The following MET variants were observed in gnomAD, a reference collection of about 807,000 sequenced individuals.
MET encodes MET proto-oncogene, receptor tyrosine kinase, also known as hepatocyte growth factor receptor.
In MET, 48 loss-of-function variants were observed where a neutral mutation model predicts 133.1. The observed-to-expected ratio is 0.36, with a 90% CI of 0.29 to 0.46. The LOEUF (loss-of-function observed/expected upper bound fraction) is 0.46. Among genes scored for constraint, MET ranks in the 20% least tolerant of loss-of-function variants. MET has a pLI of 1.00. For synonymous variants in MET, 628 were observed against 616.5 expected (o/e 1.02, Z -0.28); for missense variants, 1,442 against 1,695.9 (o/e 0.85, Z 2.63).
intron 2 of MET, among the ~76,000 whole-genome samples, chr7:116,706,888 A>AT (rs35404902): frequency 0.39 from 54,452 of 139,108 alleles, 11,650 homozygotes; most frequent in East Asian, 0.58. Context: ...CCTTCCCTTG[A>AT]TTTTTTTTTT....
At chr7:116,679,264 C>G (rs1417415848) in intron 1 of MET, among the ~76,000 whole-genome samples, 1 of 152,118 alleles carries the variant, frequency 6.6e-6, no homozygotes, top group East Asian at 1.9e-4. Context: ...TTCTTCTATT[C>G]AATATTGATA....
chr7:116,693,655 A>G (rs722134), intron 1 of MET, among the ~76,000 whole-genome samples: 12,067 of 152,156 alleles, frequency 0.079, 625 homozygotes, highest in Middle Eastern at 0.14. Flanking sequence ...GTTCCCCTTT[A>G]AGGGCCTCCA....
intron 1 of MET, among the ~76,000 whole-genome samples, chr7:116,690,845 C>T (rs1030039956): frequency 6.6e-6 from 1 of 152,072 alleles, no homozygotes; most frequent in African/African-American, 2.4e-5. Flanking sequence ...ATGGGTGCTC[C>T]CAAATACTTG....
In MET at chr7:116,740,813, T is replaced by A. The variant is rs556216308; in HGVS notation, c.1528-39T>A. ...CTTTATAATTAATTAACAAACTAGA[T>A]ACCCCTCTGGAAGCTCTTTCCACCC... is the stretch of plus-strand genomic sequence containing the variant. On this transcript the variant is annotated intron_variant, in intron 4 of 20. Transcript: ENST00000397752. The A allele has an allele frequency of 1.8e-3, 2,918 of 1,611,098 alleles. 22 individuals are homozygous for A. In the Middle Eastern group the frequency reaches 0.022, roughly 12 times the overall value.
At position 116,796,807 on chromosome 7, in the gene MET, C is replaced by T. The variant is rs987144308; in HGVS notation, c.*683C>T. 2 of 182,482 alleles carry T rather than the reference C, an allele frequency of 1.1e-5. No individual in the cohort carries two copies. The highest frequency in any genetic ancestry group is 2.3e-5 in the Non-Finnish European group (2 of 85,792). 11.3% of individuals were successfully genotyped at this position (182,482 alleles called of 1,614,324 possible). ...CTAATTTTTGTATTTTTTGTAGAGA[C>T]GGGGTTTTGCCATGTTGCCAAGGCT... On this transcript the variant is annotated 3_prime_UTR_variant, in exon 21 of 21. Coordinates refer to ENST00000397752, the MANE Select transcript of MET (RefSeq NM_000245.4).
At chr7:116,719,863 A>T (rs1319462130) in intron 2 of MET, among the ~76,000 whole-genome samples, 7 of 151,974 alleles carry the variant, frequency 4.6e-5, no homozygotes, top group Non-Finnish European at 1.0e-4. Context: ...CTGTTTTGGT[A>T]CCAGTACCAT....
chr7:116,719,705 T>C (rs951733308), intron 2 of MET, among the ~76,000 whole-genome samples: 7 of 152,344 alleles, frequency 4.6e-5, no homozygotes, highest in Admixed American at 3.3e-4. Context: ...GCTTTCTCCA[T>C]ATGGCTAGCC....
intron 1 of MET, among the ~76,000 whole-genome samples, chr7:116,688,103 A>G (rs1796624417): frequency 6.6e-6 from 1 of 152,190 alleles, no homozygotes; most frequent in Non-Finnish European, 1.5e-5. Context: ...TGTCTGATTC[A>G]TTCGTGAGTA....
chr7:116,715,087 T>C (rs1446999225), intron 2 of MET, among the ~76,000 whole-genome samples: 1 of 152,240 alleles, frequency 6.6e-6, no homozygotes. Context: ...AACTGTTTAG[T>C]TGCACAAGGC....
intron 10 of MET, 86 bp from the exon 11 acceptor site, chr7:116,762,964 A>G: frequency 9.0e-7 from 1 of 1,110,790 alleles, no homozygotes; most frequent in Admixed American, 1.7e-5. Flanking sequence ...TATATTTTCA[A>G]TTGATTGGGG....
intron 11 of MET, 37 bp downstream of exon 11, chr7:116,763,305 C>T (rs1794476856): frequency 6.4e-7 from 1 of 1,569,562 alleles, no homozygotes; most frequent in East Asian, 2.3e-5. Flanking sequence ...AAATCATCAG[C>T]TCAAACTTAA....
rs116569774 is a variant in MET, at chr7:116,759,887, C to T, written c.2364+397C>T. ...CCCCTCCCAGGTTCAAGCGATTCTC[C>T]ACCTCAGCCTCCCAAGTAGCTGAGA... is the stretch of plus-strand genomic sequence containing the variant. On this transcript the variant is annotated intron_variant, in intron 10 of 20. Coordinates refer to ENST00000397752, the MANE Select transcript of MET (RefSeq NM_000245.4). Among the ~76,000 whole-genome samples the T allele has an allele frequency of 5.0e-3, 759 of 152,220 alleles. 8 individuals are homozygous for T. Among genetic ancestry groups the T allele is most frequent in the African/African-American group, 0.018 (732 of 41,530 alleles).
At chr7:116,766,054 A>G (rs991129711) in intron 11 of MET, among the ~76,000 whole-genome samples, 1 of 152,222 alleles carries the variant, frequency 6.6e-6, no homozygotes, top group Non-Finnish European at 1.5e-5. Context: ...TTATATATCT[A>G]TGCAGTTCTT....
At chr7:116,744,469 G>A (rs749302092) in intron 5 of MET, among the ~76,000 whole-genome samples, 1 of 152,182 alleles carries the variant, frequency 6.6e-6, no homozygotes. Flanking sequence ...ATGAAATAAA[G>A]TGTGGAGACA....
At chr7:116,744,557 C>A (rs1377935711) in intron 5 of MET, among the ~76,000 whole-genome samples, 1 of 152,176 alleles carries the variant, frequency 6.6e-6, no homozygotes, top group African/African-American at 2.4e-5. Flanking sequence ...ACCAAACCTA[C>A]ATTTGATTGG....
chr7:116,683,789 C>T (rs1272537718), intron 1 of MET, among the ~76,000 whole-genome samples: 2 of 152,198 alleles, frequency 1.3e-5, no homozygotes, highest in African/African-American at 2.4e-5. Flanking sequence ...TCTCCCTTCT[C>T]GAAAGTTCTC....
rs2116835861 is a variant in MET, at chr7:116,740,933, C to T, written c.1609C>T (p.Gln537Ter). 1 of 1,614,178 alleles carries T rather than the reference C, an allele frequency of 6.2e-7. No homozygotes were observed. The part of the protein sequence containing the change: ...SQCLSAPPFV[Q>*]CGWCHDKCVR... ...ATGCCTCTCTGCCCCACCCTTTGTT[C>T]AGTGTGGCTGGTGCCACGACAAATG... Residue 537 changes from glutamine to a stop codon, truncating the protein, a stop_gained, in exon 5 of 21, where the codon CAG becomes TAG. Transcript: ENST00000397752. LOFTEE classifies it high-confidence loss of function.
chr7:116,742,823 A>G (rs930474300), intron 5 of MET, among the ~76,000 whole-genome samples: 1 of 152,196 alleles, frequency 6.6e-6, no homozygotes, highest in Admixed American at 6.5e-5. Context: ...TTAGGAAGGC[A>G]GGGCAGCTGA....
At chr7:116,773,174 GC>G (rs1203922784) in intron 14 of MET, among the ~76,000 whole-genome samples, 1 of 152,166 alleles carries the variant, frequency 6.6e-6, no homozygotes, top group Non-Finnish European at 1.5e-5. Context: ...CATTGAGCCT[GC>G]TCCTTGGAGA....
Sources: gnomAD v4.1 joint callset for allele counts (sites outside exome capture counted in the v4.1 genomes callset) on GRCh38, gnomAD v4.1.1 for gene constraint, MANE v1.5 for transcripts, NCBI Gene and HGNC (gene_info 2026-07-23, HGNC 2026-07-21) for gene names.